The following SYNGR3 variants were observed in gnomAD, a reference collection of about 807,000 sequenced individuals.
SYNGR3 encodes the protein synaptogyrin 3.
Under a neutral mutation model 18.5 loss-of-function variants are expected in SYNGR3, and 10 were observed. The ratio of observed to expected loss-of-function variants is 0.54; its 90% CI spans 0.33 to 0.92. SYNGR3 has a LOEUF of 0.92. Among genes scored for constraint, SYNGR3 ranks in the 40% least tolerant of loss-of-function variants. The probability of loss-of-function intolerance (pLI) is 0.02; values close to 1 mark genes in which losing one functional copy is unlikely to be tolerated. For synonymous variants in SYNGR3, 188 were observed against 157.2 expected, an observed-to-expected ratio of 1.20 and a Z score of -1.47; for missense variants, 335 against 332.8, an observed-to-expected ratio of 1.01 and a Z score of -0.05.
rs1378406244 is a variant in SYNGR3 at position 1,993,485 on chromosome 16, A to T, written c.*413A>T. On this transcript the variant is annotated 3_prime_UTR_variant, in exon 4 of 4. Coordinates refer to ENST00000248121, the MANE Select transcript of SYNGR3 (RefSeq NM_004209.6). The stretch of plus-strand genomic sequence containing the variant: ...CACCACCCTCGCCCCAAGACTGGGG[A>T]TCCTGGCCACTGTTCCCATCCCATG... 1 of 481,106 alleles carries T rather than the reference A, an allele frequency of 2.1e-6. No individual in the cohort carries two copies. Among genetic ancestry groups the T allele is most frequent in the East Asian group, 6.2e-5 (1 of 16,150 alleles). The allele number at this position is 481,106 out of a possible 1,614,324, so 29.8% of individuals were successfully genotyped here.
intron 2 of SYNGR3, chr16:1,992,413 T>C (rs1597067263): frequency 4.1e-6 from 3 of 738,112 alleles, no homozygotes; most frequent in East Asian, 3.5e-5. Flanking sequence ...CGGGACTTTC[T>C]AGGTAGGCGG....
intron 2 of SYNGR3, 160 bp downstream of exon 2, chr16:1,992,371 G>T: frequency 1.7e-6 from 1 of 603,362 alleles, no homozygotes; most frequent in Non-Finnish European, 2.6e-6. Context: ...CGGGTGGGCG[G>T]GGAGGGGGCG....
rs2083613585 is a variant in SYNGR3 at position 1,993,023 on chromosome 16, C to T, written c.641C>T (p.Thr214Ile). The T allele has an allele frequency of 6.2e-7, 1 of 1,612,086 alleles. No homozygotes were observed. The highest frequency in any genetic ancestry group is 1.3e-5 in the African/African-American group (1 of 74,994). ...GTETYQSPPFTETLDTSPKGY... is the reference protein window; with the variant it reads ...GTETYQSPPFIETLDTSPKGY... The stretch of plus-strand genomic sequence containing the variant: ...GAGACCTACCAGAGCCCGCCCTTCA[C>T]CGAGACCCTGGACACCAGCCCCAAA... Residue 214 changes from threonine to isoleucine, a missense_variant, in exon 4 of 4, where the codon ACC becomes ATC. Physicochemically the swap from Thr to Ile is moderately conservative, Grantham distance 89. Coordinates refer to ENST00000248121, the MANE Select transcript of SYNGR3 (RefSeq NM_004209.6).
Position 1,993,844 on chromosome 16 carries a change from G to GC in SYNGR3, c.*775dup. ...AGACAAGCCCCTCAGCAGGAGAGAG[G>GC]CCCAGAGGCTCCAGCTGGCCACCGT... On this transcript the variant is annotated 3_prime_UTR_variant, in exon 4 of 4. Coordinates refer to ENST00000248121, the MANE Select transcript of SYNGR3 (RefSeq NM_004209.6). 1 of 328,488 alleles carries GC rather than the reference G, an allele frequency of 3.0e-6. No individual in the cohort carries two copies. Among genetic ancestry groups the GC allele is most frequent in the Non-Finnish European group, 6.0e-6 (1 of 165,802 alleles). The allele number at this position is 328,488 out of a possible 1,614,324, so 20.3% of individuals were successfully genotyped here.
At position 1,993,507 on chromosome 16, in the gene SYNGR3, C is replaced by T. The variant is rs1331400594; in HGVS notation, c.*435C>T. 10 of 472,526 alleles carry T rather than the reference C, an allele frequency of 2.1e-5. No individual in the cohort carries two copies. Among genetic ancestry groups the T allele is most frequent in the Non-Finnish European group, 3.4e-5 (8 of 238,102 alleles). The allele number at this position is 472,526 out of a possible 1,614,324, so 29.3% of individuals were successfully genotyped here. A position where few individuals can be genotyped will look rare whatever the true frequency, so the allele number is the denominator to read the frequency against. ...GGGATCCTGGCCACTGTTCCCATCC[C>T]ATGTCCCTGTGGGTAGTGACTGTCT... is the stretch of plus-strand genomic sequence containing the variant. On this transcript the variant is annotated 3_prime_UTR_variant, in exon 4 of 4. Coordinates refer to ENST00000248121, the MANE Select transcript of SYNGR3 (RefSeq NM_004209.6).
intron 1 of SYNGR3, 62 bp downstream of exon 1, chr16:1,990,263 C>CGGGGGGGGGGGGG: frequency 2.5e-6 from 2 of 814,060 alleles, no homozygotes; most frequent in Admixed American, 4.7e-5. Flanking sequence ...AGGCCCCTAC[C>CGGGGGGGGGGGGG]AGCCCCCTGC....
chr16:1,993,329 C>T lies in SYNGR3; in HGVS notation c.*257C>T, dbSNP rs2083615221. On this transcript the variant is annotated 3_prime_UTR_variant, in exon 4 of 4. Coordinates refer to ENST00000248121, the MANE Select transcript of SYNGR3 (RefSeq NM_004209.6). Reference sequence around the variant, plus strand: ...ACTGCCCAGGACGTGTGTCCCTAGCCTGGAATGGACTGGCCTGGGGAAGGC... The same window carrying T: ...ACTGCCCAGGACGTGTGTCCCTAGCTTGGAATGGACTGGCCTGGGGAAGGC... 3 of 631,774 alleles carry T rather than the reference C, an allele frequency of 4.7e-6. No homozygotes were observed. Among genetic ancestry groups the T allele is most frequent in the African/African-American group, 1.8e-5 (1 of 55,876 alleles). The allele number at this position is 631,774 out of a possible 1,614,324, so 39.1% of individuals were successfully genotyped here. A position where few individuals can be genotyped will look rare whatever the true frequency, so the allele number is the denominator to read the frequency against.
Position 1,993,236 on chromosome 16 carries a change from G to T in SYNGR3, c.*164G>T, listed in dbSNP as rs1455275764. On this transcript the variant is annotated 3_prime_UTR_variant, in exon 4 of 4. Transcript: ENST00000248121. Reference sequence around the variant, plus strand: ...GGGGGTGGACCCGCGTGTCTGGGCTGCCCCTGCCAAGTTCCCCCAGTCCCT... The same window carrying T: ...GGGGGTGGACCCGCGTGTCTGGGCTTCCCCTGCCAAGTTCCCCCAGTCCCT... 1 of 875,960 alleles carries T rather than the reference G, an allele frequency of 1.1e-6. No individual in the cohort carries two copies. The highest frequency in any genetic ancestry group is 1.7e-5 in the African/African-American group (1 of 59,342). The allele number at this position is 875,960 out of a possible 1,614,324, so 54.3% of individuals were successfully genotyped here. A position where few individuals can be genotyped will look rare whatever the true frequency, so the allele number is the denominator to read the frequency against.
intron 2 of SYNGR3, 163 bp downstream of exon 2, chr16:1,992,374 A>AG (rs1180109435): frequency 2.3e-4 from 30 of 130,356 alleles, no homozygotes; most frequent in African/African-American, 6.4e-4. Context: ...GTGGGCGGGG[A>AG]GGGGGCGGAG....
chr16:1,993,099 C>A lies in SYNGR3; in HGVS notation c.*27C>A. 1 of 1,591,118 alleles carries A rather than the reference C, an allele frequency of 6.3e-7. No individual in the cohort carries two copies. The highest frequency in any genetic ancestry group is 8.5e-7 in the Non-Finnish European group (1 of 1,170,410). On this transcript the variant is annotated 3_prime_UTR_variant, in exon 4 of 4. Coordinates refer to ENST00000248121, the MANE Select transcript of SYNGR3 (RefSeq NM_004209.6). ...GGCTGGCAGGCACAGACCAGGGCTCCAAGGCCACCCCACCAACGCAGGCCC... is the reference window on the plus strand; with the variant it reads ...GGCTGGCAGGCACAGACCAGGGCTCAAAGGCCACCCCACCAACGCAGGCCC...
At chr16:1,992,372 G>A in intron 2 of SYNGR3, 161 bp downstream of exon 2, 1 of 589,570 alleles carries the variant, frequency 1.7e-6, no homozygotes, top group Non-Finnish European at 2.7e-6. Context: ...GGGTGGGCGG[G>A]GAGGGGGCGG....
chr16:1,991,033 C>T (rs1004558419), intron 1 of SYNGR3: 1 of 112,018 alleles, frequency 8.9e-6, no homozygotes, highest in Non-Finnish European at 2.2e-5. Flanking sequence ...TCCCGGCTTC[C>T]CCCTTGGCTC....
Position 1,992,074 on chromosome 16 carries a change from C to G in SYNGR3, c.200C>G (p.Ala67Gly). The change falls in exon 2 of 4, where the codon GCC becomes GGC. Residue 67 changes from alanine (A) to glycine (G), a missense_variant. By Grantham distance (60) the Ala-to-Gly change is moderately conservative. Coordinates refer to ENST00000248121, the MANE Select transcript of SYNGR3 (RefSeq NM_004209.6). Reference protein sequence around the residue: ...LRCVFNGNAGACRFGVALGLG... With the variant: ...LRCVFNGNAGGCRFGVALGLG... The stretch of plus-strand genomic sequence containing the variant: ...TGCGTGTTCAACGGGAACGCGGGCG[C>G]CTGCCGCTTCGGCGTCGCGCTGGGC... 1 of 1,573,434 alleles carries G rather than the reference C, an allele frequency of 6.4e-7. No homozygotes were observed. Among genetic ancestry groups the G allele is most frequent in the Non-Finnish European group, 8.6e-7 (1 of 1,160,704 alleles).
intron 1 of SYNGR3, chr16:1,991,181 G>C (rs2083601862): frequency 6.6e-6 from 1 of 152,336 alleles, no homozygotes; most frequent in East Asian, 1.9e-4. Flanking sequence ...CCCGGAACTG[G>C]TGGGCAGGAG....
chr16:1,992,138 C>G lies in SYNGR3; in HGVS notation c.264C>G (p.Leu88=), dbSNP rs12922682. The G allele has an allele frequency of 1.4e-5, 21 of 1,534,856 alleles. No homozygotes were observed. In the East Asian group the frequency reaches 4.3e-4, roughly 32 times the overall value. ...AFLACAAFLL[L]DVRFQQISSV... ...TCGCCTGCGCCGCCTTCCTGCTGCT[C>G]GATGTGCGCTTCCAGCAAATCAGCA... The change falls in exon 2 of 4, where the codon CTC becomes CTG. Residue 88 remains leucine, a synonymous_variant. Transcript: ENST00000248121.
chr16:1,990,230 C>G, intron 1 of SYNGR3, 29 bp downstream of exon 1: 1 of 1,197,578 alleles, frequency 8.4e-7, no homozygotes, highest in East Asian at 3.2e-5. Context: ...GGCCCCCGCT[C>G]CCGCCCCTGC....
At chr16:1,991,767 ATGTC>A in intron 1 of SYNGR3, 1 of 538,604 alleles carries the variant, frequency 1.9e-6, no homozygotes, top group Non-Finnish European at 3.3e-6. Context: ...GTTTAACACA[ATGTC>A]TGGGCATAGT....
At chr16:1,992,480 G>C in intron 2 of SYNGR3, 156 bp from the exon 3 acceptor site, 1 of 1,084,978 alleles carries the variant, frequency 9.2e-7, no homozygotes, top group South Asian at 1.9e-5. Context: ...CCGGGTGGGC[G>C]GGGTCAGCGC....
rs1040325623 is a variant in SYNGR3 at position 1,990,211 on chromosome 16, C to A, written c.99+10C>A. Reference sequence around the variant, plus strand: ...CCGGGTCGCGTCCTGGGTGAGTGGTCCCTGCCCGGGCCCCCGCTCCCGCCC... The same window carrying A: ...CCGGGTCGCGTCCTGGGTGAGTGGTACCTGCCCGGGCCCCCGCTCCCGCCC... On this transcript the variant is annotated intron_variant, in intron 1 of 3. Coordinates refer to ENST00000248121, the MANE Select transcript of SYNGR3 (RefSeq NM_004209.6). 2.4e-6 allele frequency: 3 copies of A among 1,266,090 alleles called. No homozygotes were observed. The highest frequency in any genetic ancestry group is 3.0e-6 in the Non-Finnish European group (3 of 1,001,904). The allele number at this position is 1,266,090 out of a possible 1,614,324, so 78.4% of individuals were successfully genotyped here.
Sources: gnomAD v4.1 joint callset for allele counts on GRCh38, gnomAD v4.1.1 for gene constraint, MANE v1.5 for transcripts, NCBI Gene and HGNC (gene_info 2026-07-23, HGNC 2026-07-21) for gene names.